Variants in CCDC141 observed in about 807,000 individuals in gnomAD.
The protein encoded by CCDC141 is coiled-coil domain containing 141, also known as coiled-coil domain-containing protein 141.
CCDC141 carries 168 observed loss-of-function variants against 181.0 expected under a neutral mutation model. The observed-to-expected ratio is 0.93, with a 90% CI of 0.82 to 1.05. The LOEUF (loss-of-function observed/expected upper bound fraction) is 1.05. CCDC141 is among the 50% of genes least tolerant of loss of function. The pLI is 0.00. For synonymous variants in CCDC141, 666 were observed against 642.3 expected, an observed-to-expected ratio of 1.04 and a Z score of -0.56; for missense variants, 1,902 against 1,788.5, an observed-to-expected ratio of 1.06 and a Z score of -1.14.
chr2:178,963,413 G>T (rs959664742), intron 4 of CCDC141, among the ~76,000 whole-genome samples: 1 of 150,148 alleles, frequency 6.7e-6, no homozygotes, highest in Admixed American at 6.6e-5. Flanking sequence ...CAAATATACT[G>T]TTTTTTTTTG....
chr2:178,941,996 A>T (rs1689542137), intron 6 of CCDC141, among the ~76,000 whole-genome samples: 1 of 131,788 alleles, frequency 7.6e-6, no homozygotes, highest in East Asian at 2.1e-4. Flanking sequence ...AAAAAAAAAA[A>T]AAAAAGGGAA....
intron 17 of CCDC141, 118 bp downstream of exon 17, chr2:178,865,649 G>T: frequency 2.1e-6 from 2 of 964,348 alleles, no homozygotes; most frequent in Non-Finnish European, 2.8e-6. Flanking sequence ...AAAGTCTCCT[G>T]ATTCATTGTG....
Position 179,050,057 on chromosome 2 carries a change from A to C in CCDC141, c.-116T>G, listed in dbSNP as rs1240742046. On this transcript the variant is annotated 5_prime_UTR_variant, in exon 1 of 24. Transcript: ENST00000443758. ...CATTCAGGGAAAGAGCTCAGCTCAC[A>C]CTGATTACTCTGCCAAAAGGAAAGA... 6.9e-7 allele frequency: 1 copy of C among 1,458,094 alleles called. No individual in the cohort carries two copies. Among genetic ancestry groups the C allele is most frequent in the Non-Finnish European group, 9.2e-7 (1 of 1,089,530 alleles). The allele number at this position is 1,458,094 out of a possible 1,614,324, so 90.3% of individuals were successfully genotyped here. A position where few individuals can be genotyped will look rare whatever the true frequency, so the allele number is the denominator to read the frequency against.
intron 1 of CCDC141, 88 bp downstream of exon 1, chr2:179,049,752 C>G: frequency 7.0e-7 from 1 of 1,419,086 alleles, no homozygotes; most frequent in Middle Eastern, 1.8e-4. Context: ...ATGCTGTGTC[C>G]TGCCGATTGC....
At chr2:179,026,449 A>G (rs1341180603) in intron 2 of CCDC141, among the ~76,000 whole-genome samples, 7 of 152,164 alleles carry the variant, frequency 4.6e-5, no homozygotes, top group Non-Finnish European at 1.5e-5. Flanking sequence ...AGAAGTCAAG[A>G]ACTAAGGTGT....
intron 8 of CCDC141, among the ~76,000 whole-genome samples, chr2:178,903,764 T>TA (rs146735962): frequency 3.4e-5 from 5 of 149,082 alleles, no homozygotes; most frequent in South Asian, 2.1e-4. Context: ...AGTAATAATT[T>TA]AAAAAAAAAT....
rs76981428 is a variant in CCDC141, at chr2:178,973,479, C to T, written c.526+1578G>A. Among the ~76,000 whole-genome samples, 758 of 152,284 alleles carry T rather than the reference C, an allele frequency of 5.0e-3. 9 individuals carry two copies. Among genetic ancestry groups the T allele is most frequent in the African/African-American group, 0.018 (728 of 41,556 alleles). On this transcript the variant is annotated intron_variant, in intron 4 of 23. Coordinates refer to ENST00000443758, the MANE Select transcript of CCDC141 (RefSeq NM_173648.4). Reference sequence around the variant, plus strand: ...CTTGAAGGCTGGTACCCCTGAAAAGCAAGACATCAGTTTCACTGTCAGCTG... The same window carrying T: ...CTTGAAGGCTGGTACCCCTGAAAAGTAAGACATCAGTTTCACTGTCAGCTG...
At chr2:178,938,112 T>A (rs1250574936) in intron 6 of CCDC141, among the ~76,000 whole-genome samples, 2 of 152,016 alleles carry the variant, frequency 1.3e-5, no homozygotes, top group Non-Finnish European at 2.9e-5. Flanking sequence ...GCTTTAGGGT[T>A]GATTTGTTCT....
rs993904075 is a variant in CCDC141, at chr2:178,960,444, G to C, written c.780+786C>G. Among the ~76,000 whole-genome samples the C allele has an allele frequency of 2.6e-5, 4 of 152,098 alleles. No homozygotes were observed. In the East Asian group the frequency reaches 7.7e-4, roughly 29 times the overall value. The stretch of plus-strand genomic sequence containing the variant: ...AAACATATGAAAAAACCTCTTTCCT[G>C]TGTATCTAGGCCAGGAGACCTCCCT... On this transcript the variant is annotated intron_variant, in intron 5 of 23. Coordinates refer to ENST00000443758, the MANE Select transcript of CCDC141 (RefSeq NM_173648.4).
At chr2:179,021,136 T>C (rs2042680735) in intron 2 of CCDC141, among the ~76,000 whole-genome samples, 1 of 152,222 alleles carries the variant, frequency 6.6e-6, no homozygotes, top group Admixed American at 6.5e-5. Context: ...TACTTCCTTT[T>C]ATAGGCATTT....
At chr2:179,039,218 A>G (rs2043228284) in intron 2 of CCDC141, among the ~76,000 whole-genome samples, 1 of 152,188 alleles carries the variant, frequency 6.6e-6, no homozygotes, top group South Asian at 2.1e-4. Flanking sequence ...AGTACATTGC[A>G]GAAGGGAAAA....
At chr2:178,927,655 C>A (rs987001282) in intron 6 of CCDC141, among the ~76,000 whole-genome samples, 2 of 152,038 alleles carry the variant, frequency 1.3e-5, no homozygotes, top group Admixed American at 6.6e-5. Flanking sequence ...AGACCTCAAA[C>A]AAGCTGTGGG....
At chr2:178,951,840 C>CTTCCT (rs1395357764) in intron 5 of CCDC141, among the ~76,000 whole-genome samples, 1 of 152,182 alleles carries the variant, frequency 6.6e-6, no homozygotes, top group Non-Finnish European at 1.5e-5. Context: ...ACCGCAGAGC[C>CTTCCT]TTCCAAAGGA....
At chr2:179,015,067 G>GAGAGATAT (rs1452838868) in intron 2 of CCDC141, among the ~76,000 whole-genome samples, 1 of 39,594 alleles carries the variant, frequency 2.5e-5, no homozygotes, top group East Asian at 6.8e-4. Flanking sequence ...GAGAGACAGA[G>GAGAGATAT]ATATATATAT....
chr2:178,875,847 ACATACAT>A (rs1686335189), intron 12 of CCDC141: 1 of 152,242 alleles, frequency 6.6e-6, no homozygotes, highest in Non-Finnish European at 1.5e-5. Context: ...TAAATCAGAA[ACATACAT>A]CATCAACAGA....
intron 17 of CCDC141, among the ~76,000 whole-genome samples, chr2:178,863,757 G>GT (rs1444348220): frequency 6.6e-6 from 1 of 152,212 alleles, no homozygotes. Flanking sequence ...ATGTGAAATT[G>GT]TAAGTTACAT....
chr2:178,969,474 G>A (rs1449106535), intron 4 of CCDC141, among the ~76,000 whole-genome samples: 1 of 151,792 alleles, frequency 6.6e-6, no homozygotes, highest in African/African-American at 2.4e-5. Flanking sequence ...TTCAACATAT[G>A]CAAATCAATA....
chr2:178,863,521 T>G (rs1309566369), intron 17 of CCDC141, among the ~76,000 whole-genome samples: 1 of 152,222 alleles, frequency 6.6e-6, no homozygotes, highest in Non-Finnish European at 1.5e-5. Flanking sequence ...AATGTCTAGA[T>G]AGCAAATATT....
In CCDC141 at chr2:178,975,142, A is replaced by C. The variant is rs898341620; in HGVS notation, c.441T>G (p.Ala147=). 1.1e-5 allele frequency: 17 copies of C among 1,508,984 alleles called. No homozygotes were observed. Among genetic ancestry groups the C allele is most frequent in the Non-Finnish European group, 1.4e-5 (16 of 1,116,122 alleles). 93.5% of individuals were successfully genotyped at this position (1,508,984 alleles called of 1,614,324 possible). ...CATGAGTATTCTGGAGGAAATCTTC[A>C]GCTTGGTCTATTTTAATAGCAAACT... is the stretch of plus-strand genomic sequence containing the variant. The part of the protein sequence containing the change: ...ALEFAIKIDQ[A]EDFLQNTHEF... The change falls in exon 4 of 24, where the codon GCT becomes GCG. Residue 147 remains alanine (A), a synonymous_variant. Transcript: ENST00000443758.
Sources: allele counts gnomAD v4.1 joint callset (sites outside exome capture counted in the v4.1 genomes callset), GRCh38; gene constraint gnomAD v4.1.1; transcripts MANE v1.5; gene names NCBI Gene and HGNC (gene_info 2026-07-23, HGNC 2026-07-21).